The following CSMD1 variants were observed in gnomAD, a reference collection of about 807,000 sequenced individuals.
The protein encoded by CSMD1 is CUB and sushi domain-containing protein 1.
CSMD1 carries 213 observed loss-of-function variants against 417.5 expected under a neutral mutation model. The observed-to-expected ratio is 0.51, with a 90% CI of 0.46 to 0.57. The LOEUF (loss-of-function observed/expected upper bound fraction) is 0.57. Among genes scored for constraint, CSMD1 ranks in the 20% least tolerant of loss-of-function variants. The probability of loss-of-function intolerance (pLI) is 0.00; values close to 1 mark genes in which losing one functional copy is unlikely to be tolerated. For synonymous variants in CSMD1, 2,862 were observed against 1,736.8 expected (o/e 1.65, Z -16.11); for missense variants, 6,923 against 4,529.7 (o/e 1.53, Z -15.17).
chr8:4,707,996 T>C (rs1009567403), intron 1 of CSMD1, among the ~76,000 whole-genome samples: 3 of 151,300 alleles, frequency 2.0e-5, no homozygotes, highest in Admixed American at 2.0e-4. Flanking sequence ...CCCAGGCTAG[T>C]GCAGTGACAT....
chr8:4,081,351 G>A (rs757661771), intron 3 of CSMD1, among the ~76,000 whole-genome samples: 2 of 152,104 alleles, frequency 1.3e-5, no homozygotes, highest in African/African-American at 2.4e-5. Flanking sequence ...AAACAACAGG[G>A]TATTGTGTGA....
At chr8:4,116,958 A>G (rs1320335159) in intron 3 of CSMD1, among the ~76,000 whole-genome samples, 1 of 152,066 alleles carries the variant, frequency 6.6e-6, no homozygotes, top group African/African-American at 2.4e-5. Context: ...TCTGAGAATC[A>G]GGCTGGTAAG....
intron 3 of CSMD1, among the ~76,000 whole-genome samples, chr8:4,246,103 T>C (rs948794743): frequency 3.9e-5 from 6 of 152,278 alleles, no homozygotes; most frequent in East Asian, 1.9e-4. Context: ...TGGGAGTTTG[T>C]TGTACAGATT....
intron 37 of CSMD1, among the ~76,000 whole-genome samples, chr8:3,169,555 G>C (rs116877105): frequency 1.6e-3 from 244 of 152,230 alleles, no homozygotes; most frequent in Non-Finnish European, 2.8e-3. Flanking sequence ...TGAGTGCAGA[G>C]TTTTGCAAGA....
intron 3 of CSMD1, among the ~76,000 whole-genome samples, chr8:4,232,707 C>T (rs1245179007): frequency 6.6e-6 from 1 of 152,164 alleles, no homozygotes; most frequent in Non-Finnish European, 1.5e-5. Flanking sequence ...ATAAAAGTGT[C>T]ATGTCAAGCA....
At chr8:4,417,950 T>C (rs1303415551) in intron 3 of CSMD1, among the ~76,000 whole-genome samples, 1 of 152,074 alleles carries the variant, frequency 6.6e-6, no homozygotes, top group Non-Finnish European at 1.5e-5. Flanking sequence ...AAAGCTCTCT[T>C]CTACTCTAGA....
intron 1 of CSMD1, among the ~76,000 whole-genome samples, chr8:4,669,152 G>C (rs766377562): frequency 6.6e-6 from 1 of 151,886 alleles, no homozygotes; most frequent in Non-Finnish European, 1.5e-5. Flanking sequence ...TTCCTTCTTC[G>C]CTTCCTTTAG....
At chr8:4,309,759 C>T (rs62478634) in intron 3 of CSMD1, among the ~76,000 whole-genome samples, 96,219 of 151,956 alleles carry the variant, frequency 0.63, 31,445 homozygotes, top group East Asian at 0.86. Flanking sequence ...TTGATATTAA[C>T]GTTTTACTAG....
intron 5 of CSMD1, among the ~76,000 whole-genome samples, chr8:3,825,766 G>C (rs183755467): frequency 6.6e-6 from 1 of 152,164 alleles, no homozygotes; most frequent in Non-Finnish European, 1.5e-5. Context: ...ATGAACTGTG[G>C]AAATGTAGAA....
At chr8:4,358,058 G>A (rs1405069552) in intron 3 of CSMD1, among the ~76,000 whole-genome samples, 1 of 152,078 alleles carries the variant, frequency 6.6e-6, no homozygotes, top group East Asian at 1.9e-4. Flanking sequence ...TGATTTACAT[G>A]TATACTTACG....
chr8:4,941,546 C>G (rs1002686107), intron 1 of CSMD1, among the ~76,000 whole-genome samples: 1 of 151,908 alleles, frequency 6.6e-6, no homozygotes, highest in African/African-American at 2.4e-5. Context: ...CAGTCTTTGT[C>G]AATTTTTTTC....
chr8:3,314,945 G>C (rs912796659), intron 23 of CSMD1, among the ~76,000 whole-genome samples: 6 of 152,216 alleles, frequency 3.9e-5, no homozygotes, highest in African/African-American at 1.2e-4. Flanking sequence ...CAACTCTTGA[G>C]AAAGTAGTTT....
At position 3,507,819 on chromosome 8, in the gene CSMD1, T is replaced by C. The variant is rs1038507743; in HGVS notation, c.1345-14093A>G. 3.3e-5 allele frequency among the ~76,000 whole-genome samples: 5 copies of C among 152,344 alleles called. No individual in the cohort carries two copies. In the East Asian group the frequency reaches 5.8e-4, roughly 18 times the overall value. On this transcript the variant is annotated intron_variant, in intron 10 of 69. Transcript: ENST00000635120. ...TAAATGTCTTCTTTTGAGAAATATC[T>C]GTTCATATCCTTTGCCCACTTTTTG... is the stretch of plus-strand genomic sequence containing the variant.
intron 65 of CSMD1, 92 bp from the exon 66 acceptor site, chr8:2,951,367 C>A (rs951213957): frequency 5.4e-6 from 7 of 1,306,472 alleles, no homozygotes; most frequent in Non-Finnish European, 7.2e-6. Context: ...TACTGCTTAG[C>A]GAGCGATCAC....
intron 3 of CSMD1, among the ~76,000 whole-genome samples, chr8:4,197,789 G>T (rs545350436): frequency 6.6e-6 from 1 of 152,084 alleles, no homozygotes; most frequent in South Asian, 2.1e-4. Flanking sequence ...TGATATGGGA[G>T]GATTGCTTGA....
chr8:3,201,757 G>C (rs1296410309), intron 31 of CSMD1, 32 bp from the exon 32 acceptor site: 9 of 1,325,696 alleles, frequency 6.8e-6, no homozygotes, highest in Non-Finnish European at 9.6e-6. Context: ...GTTGGCACAA[G>C]ATGCTCTAAG....
intron 4 of CSMD1, among the ~76,000 whole-genome samples, chr8:4,030,838 C>A (rs766911294): frequency 1.1e-4 from 16 of 152,178 alleles, no homozygotes; most frequent in Non-Finnish European, 2.1e-4. Context: ...CTCTTGAATG[C>A]TTTGCTGCTT....
chr8:4,980,179 C>CA (rs1810806502), intron 1 of CSMD1, among the ~76,000 whole-genome samples: 2 of 152,208 alleles, frequency 1.3e-5, no homozygotes, highest in South Asian at 4.1e-4. Context: ...TCTGTGTCAC[C>CA]AGTGACAGCT....
intron 2 of CSMD1, among the ~76,000 whole-genome samples, chr8:4,632,476 C>T (rs1042842177): frequency 6.6e-6 from 1 of 152,154 alleles, no homozygotes; most frequent in African/African-American, 2.4e-5. Flanking sequence ...AGTACCATTG[C>T]ACTCCAGCCT....
Sources: allele counts gnomAD v4.1 joint callset (sites outside exome capture counted in the v4.1 genomes callset), GRCh38; gene constraint gnomAD v4.1.1; transcripts MANE v1.5; gene names NCBI Gene and HGNC (gene_info 2026-07-23, HGNC 2026-07-21).